The following INPP4A variants were observed in gnomAD, a reference collection of about 807,000 sequenced individuals.
The protein encoded by INPP4A is inositol polyphosphate-4-phosphatase type I A, also known as inositol polyphosphate-4-phosphatase, type I, 107kD.
In INPP4A, 33 loss-of-function variants were observed where a neutral mutation model predicts 119.8. The ratio of observed to expected loss-of-function variants is 0.28; its 90% CI spans 0.21 to 0.37. The LOEUF (loss-of-function observed/expected upper bound fraction) is 0.37. Ranked by LOEUF, INPP4A falls within the 10% of genes least tolerant of loss-of-function variation. INPP4A has a pLI of 1.00. For missense variants in INPP4A, 956 were observed against 1,289.9 expected (o/e 0.74, Z 3.97); for synonymous variants, 496 against 500.7 (o/e 0.99, Z 0.12).
chr2:98,497,277 T>C (rs56197140), intron 1 of INPP4A, among the ~76,000 whole-genome samples: 42,086 of 152,112 alleles, frequency 0.28, 5,891 homozygotes, highest in Middle Eastern at 0.35. Flanking sequence ...GGTGTCCAGG[T>C]AGAAGTTTGC....
intron 1 of INPP4A, among the ~76,000 whole-genome samples, chr2:98,492,721 A>G (rs1223362949): frequency 6.6e-6 from 1 of 152,236 alleles, no homozygotes; most frequent in Non-Finnish European, 1.5e-5. Flanking sequence ...CTGTACAGGA[A>G]GCATAACTCT....
chr2:98,521,048 A>C, intron 4 of INPP4A: 1 of 252,590 alleles, frequency 4.0e-6, no homozygotes, highest in South Asian at 8.9e-5. Flanking sequence ...CCCCACCCCC[A>C]CCCCAATGGG....
At chr2:98,483,466 T>C (rs1678885187) in intron 1 of INPP4A, among the ~76,000 whole-genome samples, 1 of 152,196 alleles carries the variant, frequency 6.6e-6, no homozygotes, top group African/African-American at 2.4e-5. Flanking sequence ...GTGGGGCTGC[T>C]GTGGGGCCAA....
In INPP4A at chr2:98,566,173, C is replaced by T. The variant is rs749211355; in HGVS notation, c.2420+4C>T. ...AGCAGCAGACACTGGCCGAGAGGTGCGTGCCGGCTCCTCGGGGCTGCGGGG... is the reference window on the plus strand; with the variant it reads ...AGCAGCAGACACTGGCCGAGAGGTGTGTGCCGGCTCCTCGGGGCTGCGGGG... On this transcript the variant is annotated splice_donor_region_variant and intron_variant, in intron 21 of 24. Transcript: ENST00000409851. The surrounding 1 kb of genome is among the most constrained non-coding windows in gnomAD (Gnocchi z 4.2). 15 of 1,579,838 alleles carry T rather than the reference C, an allele frequency of 9.5e-6. No individual in the cohort carries two copies. Among genetic ancestry groups the T allele is most frequent in the Middle Eastern group, 1.7e-4 (1 of 5,980 alleles).
At chr2:98,537,142 AC>A (rs1384148295) in intron 7 of INPP4A, among the ~76,000 whole-genome samples, 1 of 152,268 alleles carries the variant, frequency 6.6e-6, no homozygotes, top group African/African-American at 2.4e-5. Context: ...CTTCACAGGC[AC>A]GAGGACAGGG....
intron 10 of INPP4A, among the ~76,000 whole-genome samples, chr2:98,542,841 C>T (rs1459527026): frequency 6.6e-6 from 1 of 151,778 alleles, no homozygotes; most frequent in Non-Finnish European, 1.5e-5. Flanking sequence ...CCCTGTGCCT[C>T]TGTCAAGCAC....
At chr2:98,453,932 A>G (rs1414068618) in intron 1 of INPP4A, among the ~76,000 whole-genome samples, 2 of 151,940 alleles carry the variant, frequency 1.3e-5, no homozygotes, top group African/African-American at 4.8e-5. Context: ...CGTAGTGAAA[A>G]CCCGTCTCTA....
intron 17 of INPP4A, among the ~76,000 whole-genome samples, chr2:98,562,209 CACAA>C (rs1249175025): frequency 1.3e-5 from 2 of 152,230 alleles, no homozygotes; most frequent in African/African-American, 4.8e-5. Flanking sequence ...AAATCCTGTC[CACAA>C]ACAGTTAGCG....
chr2:98,521,905 T>C (rs1029677909), intron 4 of INPP4A: 28 of 152,174 alleles, frequency 1.8e-4, no homozygotes, highest in Admixed American at 1.7e-3. Context: ...CACAGAGGGA[T>C]ACCCTGTCTC....
chr2:98,556,290 C>G (rs1694476028), intron 16 of INPP4A, among the ~76,000 whole-genome samples: 1 of 152,200 alleles, frequency 6.6e-6, no homozygotes, highest in Admixed American at 6.5e-5. Context: ...TGGCTGGGCA[C>G]TCTCTTATGC....
rs747733300 is a variant in INPP4A at position 98,573,305 on chromosome 2, A to G, written c.2631+378A>G. Among the ~76,000 whole-genome samples the G allele has an allele frequency of 6.1e-4, 93 of 152,164 alleles. 2 individuals are homozygous for G. The highest frequency in any genetic ancestry group is 2.6e-4 in the Non-Finnish European group (18 of 68,026). ...TCTCTTTAAACCATCTTTATCGTCC[A>G]TTGTGCCTCTGATCTCCTCATTTTC... On this transcript the variant is annotated intron_variant, in intron 23 of 24. Transcript: ENST00000409851.
At chr2:98,585,582 C>T (rs1172585657) in intron 24 of INPP4A, among the ~76,000 whole-genome samples, 1 of 152,192 alleles carries the variant, frequency 6.6e-6, no homozygotes, top group Non-Finnish European at 1.5e-5. Flanking sequence ...AGGCTGTCCT[C>T]GCCACCTCTG....
chr2:98,523,535 C>T (rs954379084), intron 4 of INPP4A, among the ~76,000 whole-genome samples: 1 of 152,026 alleles, frequency 6.6e-6, no homozygotes, highest in Non-Finnish European at 1.5e-5. Flanking sequence ...GTTGGGACTA[C>T]AGGCACCCAC....
chr2:98,509,433 C>T (rs1684715945), intron 1 of INPP4A, among the ~76,000 whole-genome samples: 1 of 152,224 alleles, frequency 6.6e-6, no homozygotes, highest in South Asian at 2.1e-4. Flanking sequence ...GCCTGATGAT[C>T]TGAGGTGGAA....
intron 1 of INPP4A, among the ~76,000 whole-genome samples, chr2:98,453,438 G>A (rs1695561003): frequency 6.6e-6 from 1 of 152,144 alleles, no homozygotes; most frequent in African/African-American, 2.4e-5. Flanking sequence ...GCATTTTTTG[G>A]TAAAACATCT....
chr2:98,490,729 C>T (rs1680553386), intron 1 of INPP4A, among the ~76,000 whole-genome samples: 1 of 152,188 alleles, frequency 6.6e-6, no homozygotes, highest in African/African-American at 2.4e-5. Context: ...GCCTGGGCCT[C>T]CGAGTAGATG....
In INPP4A at chr2:98,546,213, T is replaced by C. The variant is rs1692454340; in HGVS notation, c.1054+140T>C. 1 of 613,118 alleles carries C rather than the reference T, an allele frequency of 1.6e-6. No individual in the cohort carries two copies. Among genetic ancestry groups the C allele is most frequent in the Admixed American group, 2.9e-5 (1 of 34,990 alleles). 38.0% of individuals were successfully genotyped at this position (613,118 alleles called of 1,614,324 possible). On this transcript the variant is annotated intron_variant, in intron 12 of 24. Transcript: ENST00000409851. This position sits in a 1 kb window ranked among gnomAD's most constrained non-coding sequence, Gnocchi z 4.2. ...GGAGGAGAGATTTGTCACAAGGACC[T>C]TCAAAAGGTTTCTGATAACAGCCCA...
At chr2:98,526,496 G>A (rs1688205252) in intron 4 of INPP4A, among the ~76,000 whole-genome samples, 1 of 152,178 alleles carries the variant, frequency 6.6e-6, no homozygotes, top group Admixed American at 6.5e-5. Flanking sequence ...TAAGAATGAT[G>A]AGGGCATATA....
chr2:98,544,800 A>G (rs1429633890), intron 11 of INPP4A, among the ~76,000 whole-genome samples: 1 of 152,252 alleles, frequency 6.6e-6, no homozygotes, highest in Non-Finnish European at 1.5e-5. Flanking sequence ...GAACCCATCC[A>G]TAAACTTGAA....
Sources: gnomAD v4.1 joint callset for allele counts (sites outside exome capture counted in the v4.1 genomes callset) on GRCh38, gnomAD v4.1.1 for gene constraint, Gnocchi (gnomAD v3.1) non-coding constraint, MANE v1.5 for transcripts, NCBI Gene and HGNC (gene_info 2026-07-23, HGNC 2026-07-21) for gene names.